The following FLT4 variants were observed in gnomAD, a reference collection of about 807,000 sequenced individuals.
FLT4 encodes vascular endothelial growth factor receptor 3.
In FLT4, 30 loss-of-function variants were observed where a neutral mutation model predicts 163.2. The observed-to-expected ratio is 0.18, with a 90% CI of 0.14 to 0.25. FLT4 has a LOEUF of 0.25. Among genes scored for constraint, FLT4 ranks in the 10% least tolerant of loss-of-function variants. The pLI, the probability that FLT4 is intolerant of heterozygous loss-of-function variation, is 1.00. For missense variants in FLT4, 1,510 were observed against 1,863.8 expected (o/e 0.81, Z 3.50); for synonymous variants, 884 against 789.5 (o/e 1.12, Z -2.01).
intron 6 of FLT4, 59 bp downstream of exon 6, chr5:180,629,637 G>A: frequency 6.3e-7 from 1 of 1,582,184 alleles, no homozygotes; most frequent in East Asian, 2.3e-5. Flanking sequence ...CCCAGTGTGT[G>A]CTGTACAGTC....
In FLT4 at chr5:180,624,057, G is replaced by C. The variant is rs756924526; in HGVS notation, c.1426C>G (p.Arg476Gly). 6 of 1,611,748 alleles carry C rather than the reference G, an allele frequency of 3.7e-6. No homozygotes were observed. Among genetic ancestry groups the C allele is most frequent in the Admixed American group, 3.3e-5 (2 of 59,990 alleles). ...GGCATGAGGTCTTGCTGCTGCCGCC[G>C]CCGGCTGCCAGGACCAGAAGAGGCA... ...CKMFAQRSLR[R>G]RQQQDLMPQC... The change falls in exon 11 of 30, where the codon CGG (arginine) becomes GGG (glycine). Residue 476 changes from arginine to glycine, a missense_variant. Around this residue, in one of 5 missense-constraint regions of FLT4, gnomAD observed 878 missense variants for 1,016.7 expected, o/e 0.86. Transcript: ENST00000261937.
rs1254362022 is a variant in FLT4 at position 180,631,835 on chromosome 5, T to C, written c.59-57A>G. ...GGGCTGTGACTTGGCACGACGTTGA[T>C]GGGGCATGGCTGGGCATTCTGCATC... On this transcript the variant is annotated intron_variant, in intron 1 of 29. Coordinates refer to ENST00000261937, the MANE Select transcript of FLT4 (RefSeq NM_182925.5). 1.1e-5 allele frequency: 14 copies of C among 1,245,506 alleles called. No individual in the cohort carries two copies. The East Asian group carries it at 3.0e-4, about 27-fold the overall frequency. The allele number at this position is 1,245,506 out of a possible 1,614,324, so 77.2% of individuals were successfully genotyped here.
At chr5:180,647,969 C>T (rs1313238362) in intron 1 of FLT4, among the ~76,000 whole-genome samples, 1 of 152,158 alleles carries the variant, frequency 6.6e-6, no homozygotes, top group East Asian at 1.9e-4. Context: ...CCCTGGAAGC[C>T]CCCTTGCCCT....
intron 1 of FLT4, among the ~76,000 whole-genome samples, chr5:180,637,510 T>C (rs1297584649): frequency 6.6e-6 from 1 of 152,124 alleles, no homozygotes; most frequent in Non-Finnish European, 1.5e-5. Flanking sequence ...CAGTCTTTGC[T>C]ATGCAATCAT....
intron 18 of FLT4, 83 bp downstream of exon 18, chr5:180,619,578 CCCTT>C (rs1342599657): frequency 8.8e-7 from 1 of 1,140,160 alleles, no homozygotes; most frequent in South Asian, 1.2e-5. Flanking sequence ...GCCTCAGTCT[CCCTT>C]CCCGAGTTGC....
chr5:180,646,642 C>A (rs571233783), intron 1 of FLT4, among the ~76,000 whole-genome samples: 48 of 152,138 alleles, frequency 3.2e-4, no homozygotes, highest in African/African-American at 1.1e-3. Flanking sequence ...GGGCAATACA[C>A]GTCTGATGGC....
At chr5:180,631,934 T>C (rs1163712097) in intron 1 of FLT4, among the ~76,000 whole-genome samples, 156 bp from the exon 2 acceptor site, 2 of 151,090 alleles carry the variant, frequency 1.3e-5, no homozygotes, top group African/African-American at 4.9e-5. Context: ...CCTCACCATG[T>C]GCGCCGTGAG....
Position 180,629,725 on chromosome 5 carries a change from T to C in FLT4, c.787A>G (p.Thr263Ala). The change falls in exon 6 of 30, where the codon ACC (threonine) becomes GCC (alanine). Residue 263 changes from threonine (T) to alanine (A), a missense_variant. Physicochemically the swap from Thr to Ala is moderately conservative, Grantham distance 58. Transcript: ENST00000261937. ...TVWAEFNSGVTFDWDYPGKQA... is the reference protein window; with the variant it reads ...TVWAEFNSGVAFDWDYPGKQA... ...TTCCCTGGGTAGTCCCAGTCAAAGGTGACACCTGAGTTAAACTCAGCCCAC... is the reference window on the plus strand; with the variant it reads ...TTCCCTGGGTAGTCCCAGTCAAAGGCGACACCTGAGTTAAACTCAGCCCAC... 1 of 1,611,796 alleles carries C rather than the reference T, an allele frequency of 6.2e-7. No homozygotes were observed. The highest frequency in any genetic ancestry group is 8.5e-7 in the Non-Finnish European group (1 of 1,179,600).
At chr5:180,631,447 T>C (rs1306500702) in intron 2 of FLT4, among the ~76,000 whole-genome samples, 18 of 151,468 alleles carry the variant, frequency 1.2e-4, no homozygotes, top group African/African-American at 2.4e-4. Flanking sequence ...CACTCCAGCC[T>C]GGGTGACAGA....
In FLT4 at chr5:180,603,063, CAG is replaced by C; in HGVS notation, c.*127_*128del. Reference sequence around the variant, plus strand: ...CTGCTCTTCCTAGCTGGGAAGTCTGCAGAGAGGGAAGAGGACACTCCTGTGCC... The same window carrying C: ...CTGCTCTTCCTAGCTGGGAAGTCTGCAGAGGGAAGAGGACACTCCTGTGCC... On this transcript the variant is annotated 3_prime_UTR_variant, in exon 30 of 30. Coordinates refer to ENST00000261937, the MANE Select transcript of FLT4 (RefSeq NM_182925.5). 1.1e-6 allele frequency: 1 copy of C among 904,816 alleles called. No individual in the cohort carries two copies. The highest frequency in any genetic ancestry group is 1.4e-5 in the South Asian group (1 of 69,088). The allele number at this position is 904,816 out of a possible 1,614,324, so 56.0% of individuals were successfully genotyped here. A position where few individuals can be genotyped will look rare whatever the true frequency, so the allele number is the denominator to read the frequency against.
intron 1 of FLT4, among the ~76,000 whole-genome samples, chr5:180,633,617 G>T (rs1764335492): frequency 6.6e-6 from 1 of 152,164 alleles, no homozygotes. Flanking sequence ...AGGTGGTGAG[G>T]GGCTAAGAAG....
In FLT4 at chr5:180,602,670, AAC is replaced by A. The variant is rs1391656389; in HGVS notation, c.*520_*521del. 33 of 412,286 alleles carry A rather than the reference AAC, an allele frequency of 8.0e-5. No individual in the cohort carries two copies. The highest frequency in any genetic ancestry group is 1.2e-4 in the Non-Finnish European group (27 of 233,560). 25.5% of individuals were successfully genotyped at this position (412,286 alleles called of 1,614,324 possible). A position where few individuals can be genotyped will look rare whatever the true frequency, so the allele number is the denominator to read the frequency against. On this transcript the variant is annotated 3_prime_UTR_variant, in exon 30 of 30. Coordinates refer to ENST00000261937, the MANE Select transcript of FLT4 (RefSeq NM_182925.5). ...CTGCAAATGCCTTCTTTGAGATGGA[AAC>A]ACAGCCCCTCCCTTCAACTGTGCAG...
chr5:180,608,555 C>T (rs1055352051), intron 29 of FLT4, among the ~76,000 whole-genome samples: 2 of 152,154 alleles, frequency 1.3e-5, no homozygotes, highest in African/African-American at 2.4e-5. Flanking sequence ...CCCACAGGGC[C>T]GGACCCTACA....
chr5:180,649,683 G>T, upstream of FLT4: 1 of 254,626 alleles, frequency 3.9e-6, no homozygotes, highest in Non-Finnish European at 6.5e-6. Flanking sequence ...GCCGCTCCCC[G>T]CGCCCCCCTC....
At chr5:180,625,571 T>C (rs1319782265) in intron 10 of FLT4, among the ~76,000 whole-genome samples, 1 of 152,188 alleles carries the variant, frequency 6.6e-6, no homozygotes, top group East Asian at 1.9e-4. Flanking sequence ...CTCCAGATGA[T>C]GCAATTACGT....
intron 12 of FLT4, among the ~76,000 whole-genome samples, 181 bp from the exon 13 acceptor site, chr5:180,622,085 G>A (rs1398076693): frequency 1.4e-5 from 2 of 146,506 alleles, no homozygotes; most frequent in African/African-American, 4.9e-5. Context: ...GTCACCCTCA[G>A]TGGGACTTGA....
chr5:180,620,485 G>A lies in FLT4; in HGVS notation c.2406+124C>T, dbSNP rs927345382. ...GTTGGAGCCCAGCGTGAAGGGCAGG[G>A]AGGCTTCCCAGGAAACAAGGCTGCC... On this transcript the variant is annotated intron_variant, in intron 16 of 29. Transcript: ENST00000261937. This position sits in a 1 kb window ranked among gnomAD's most constrained non-coding sequence, Gnocchi z 4.4. 4.2e-6 allele frequency: 5 copies of A among 1,185,600 alleles called. No homozygotes were observed. The highest frequency in any genetic ancestry group is 3.8e-5 in the South Asian group (3 of 79,522). 73.4% of individuals were successfully genotyped at this position (1,185,600 alleles called of 1,614,324 possible).
rs539797955 is a variant in FLT4 at position 180,609,346 on chromosome 5, C to T, written c.3808-293G>A. 35 of 510,632 alleles carry T rather than the reference C, an allele frequency of 6.9e-5. 1 individual carries two copies. Among genetic ancestry groups the T allele is most frequent in the East Asian group, 3.7e-4 (11 of 30,122 alleles). The allele number at this position is 510,632 out of a possible 1,614,324, so 31.6% of individuals were successfully genotyped here. ...TGCTCAGTGTGTGAAGAGCAGGAGC[C>T]GTGGGAGAAGCAGGGAGAGGCCTCA... On this transcript the variant is annotated intron_variant, in intron 28 of 29. Coordinates refer to ENST00000261937, the MANE Select transcript of FLT4 (RefSeq NM_182925.5).
At chr5:180,604,595 C>T (rs1160482031) in intron 29 of FLT4, among the ~76,000 whole-genome samples, 1 of 152,206 alleles carries the variant, frequency 6.6e-6, no homozygotes, top group East Asian at 1.9e-4. Context: ...CCAGGCCTCT[C>T]GCCTTGACCT....
Sources: allele counts gnomAD v4.1 joint callset (sites outside exome capture counted in the v4.1 genomes callset), GRCh38; gene constraint gnomAD v4.1.1; regional missense constraint gnomAD v4.1.1; non-coding constraint Gnocchi (gnomAD v3.1); transcripts MANE v1.5; gene names NCBI Gene and HGNC (gene_info 2026-07-23, HGNC 2026-07-21).